ELAVL3: variants seen among roughly 807,000 people sequenced by gnomAD.
The protein encoded by ELAVL3 is ELAV-like protein 3.
A neutral mutation model predicts 34.2 loss-of-function variants in ELAVL3; 8 were observed. That is an observed-to-expected ratio of 0.23 (90% CI 0.14 to 0.42). The LOEUF (loss-of-function observed/expected upper bound fraction) is 0.42. ELAVL3 is among the 10% of genes least tolerant of loss of function. The pLI is 1.00. For synonymous variants in ELAVL3, 209 were observed against 222.1 expected (o/e 0.94, Z 0.53); for missense variants, 273 against 518.8 (o/e 0.53, Z 4.60).
chr19:11,459,375 C>T (rs1007352806), intron 3 of ELAVL3, among the ~76,000 whole-genome samples: 1 of 151,948 alleles, frequency 6.6e-6, no homozygotes, highest in African/African-American at 2.4e-5. Flanking sequence ...CCTTGTGATC[C>T]GCTCATCTCG....
At position 11,454,888 on chromosome 19, in the gene ELAVL3, GGT is replaced by G. The variant is rs1375039019; in HGVS notation, c.753-13_753-12del. 1 of 1,585,078 alleles carries G rather than the reference GGT, an allele frequency of 6.3e-7. No homozygotes were observed. The highest frequency in any genetic ancestry group is 8.5e-7 in the Non-Finnish European group (1 of 1,170,182). On this transcript the variant is annotated splice_polypyrimidine_tract_variant and intron_variant, in intron 6 of 6. Coordinates refer to ENST00000359227, the MANE Select transcript of ELAVL3 (RefSeq NM_001420.4). This position sits in a 1 kb window ranked among gnomAD's most constrained non-coding sequence, Gnocchi z 9.2. ...ATGAGCGACAGGGGACTACTTTGGG[GGT>G]CACGCGGGCTCTGCCCTGACCCCCC... is the stretch of plus-strand genomic sequence containing the variant.
At chr19:11,463,419 C>A (rs989286712) in intron 3 of ELAVL3, among the ~76,000 whole-genome samples, 1 of 152,176 alleles carries the variant, frequency 6.6e-6, no homozygotes, top group African/African-American at 2.4e-5. Flanking sequence ...GAGGGTGACA[C>A]AGGCCACTGT....
chr19:11,458,466 T>C lies in ELAVL3; in HGVS notation c.479A>G (p.Gln160Arg), dbSNP rs757885370. The C allele has an allele frequency of 6.2e-7, 1 of 1,614,124 alleles. No individual in the cohort carries two copies. Among genetic ancestry groups the C allele is most frequent in the South Asian group, 1.1e-5 (1 of 91,082 alleles). ...RIITSRILVD[Q>R]VTGVSRGVGF... ...CTCCCTGACTGCCTGACCTGTGACC[T>C]GGTCCACCAGGATGCGGGACGTGAT... Residue 160 changes from glutamine to arginine, a missense_variant, in exon 4 of 7, where the codon CAG (glutamine) becomes CGG (arginine). This residue lies in a region of ELAVL3 where 102 missense variants were observed against 250.1 expected (regional missense o/e 0.41). Transcript: ENST00000359227. This position sits in a 1 kb window ranked among gnomAD's most constrained non-coding sequence, Gnocchi z 7.3.
intron 1 of ELAVL3, among the ~76,000 whole-genome samples, chr19:11,477,935 C>T (rs536308218): frequency 6.6e-6 from 1 of 152,218 alleles, no homozygotes; most frequent in East Asian, 1.9e-4. Flanking sequence ...TGTGATCCAC[C>T]CACCTTGGGC....
chr19:11,459,982 T>C (rs1316020619), intron 3 of ELAVL3, among the ~76,000 whole-genome samples: 2 of 152,062 alleles, frequency 1.3e-5, no homozygotes, highest in Non-Finnish European at 2.9e-5. Flanking sequence ...TCTTTAGTCA[T>C]CAGCTCCCAA....
intron 1 of ELAVL3, among the ~76,000 whole-genome samples, chr19:11,467,464 A>G (rs1971077434): frequency 1.4e-5 from 2 of 145,526 alleles, no homozygotes; most frequent in East Asian, 1.9e-4. Context: ...CAGAAAAGTA[A>G]ATCTAACAGT....
At chr19:11,463,663 C>T (rs1381742325) in intron 3 of ELAVL3, among the ~76,000 whole-genome samples, 2 of 152,088 alleles carry the variant, frequency 1.3e-5, no homozygotes, top group Non-Finnish European at 2.9e-5. Flanking sequence ...TCACATGCAC[C>T]TGTCAAATAA....
chr19:11,456,973 A>T, intron 6 of ELAVL3, 137 bp downstream of exon 6: 1 of 769,620 alleles, frequency 1.3e-6, no homozygotes, highest in East Asian at 3.4e-5. Context: ...CTTTGATGTC[A>T]CATCTCTCAA....
At chr19:11,459,192 G>A (rs1013614805) in intron 3 of ELAVL3, among the ~76,000 whole-genome samples, 3 of 140,942 alleles carry the variant, frequency 2.1e-5, no homozygotes, top group African/African-American at 8.0e-5. Context: ...GCGACATCTC[G>A]GCTCATTGCA....
At chr19:11,476,168 T>C (rs1198264006) in intron 1 of ELAVL3, among the ~76,000 whole-genome samples, 1 of 152,170 alleles carries the variant, frequency 6.6e-6, no homozygotes, top group Non-Finnish European at 1.5e-5. Context: ...TTGAGGTGCC[T>C]GTTGTGTGCC....
At chr19:11,467,546 C>CCATGAA (rs1396644352) in intron 1 of ELAVL3, among the ~76,000 whole-genome samples, 1 of 151,686 alleles carries the variant, frequency 6.6e-6, no homozygotes, top group African/African-American at 2.4e-5. Flanking sequence ...TGCAGTGGTG[C>CCATGAA]GATCTCGGCT....
At chr19:11,457,988 G>T in intron 5 of ELAVL3, 73 bp downstream of exon 5, 1 of 1,496,982 alleles carries the variant, frequency 6.7e-7, no homozygotes, top group South Asian at 1.1e-5. Flanking sequence ...CCCTTCGGCA[G>T]GAATGGGGTT....
At chr19:11,470,003 A>G (rs901885491) in intron 1 of ELAVL3, among the ~76,000 whole-genome samples, 2 of 151,342 alleles carry the variant, frequency 1.3e-5, no homozygotes, top group Admixed American at 1.3e-4. Flanking sequence ...GATGCAGTAA[A>G]CCATAATCAC....
At chr19:11,457,219 C>T in intron 5 of ELAVL3, 71 bp from the exon 6 acceptor site, 1 of 1,402,536 alleles carries the variant, frequency 7.1e-7, no homozygotes, top group Non-Finnish European at 9.5e-7. Context: ...CGTCGGCCTG[C>T]CCTCCCCACC....
chr19:11,458,363 A>G lies in ELAVL3; in HGVS notation c.488-77T>C, dbSNP rs537007032. 7 of 1,605,606 alleles carry G rather than the reference A, an allele frequency of 4.4e-6. No individual in the cohort carries two copies. The highest frequency in any genetic ancestry group is 6.0e-6 in the Non-Finnish European group (7 of 1,175,236). On this transcript the variant is annotated intron_variant, in intron 4 of 6. Coordinates refer to ENST00000359227, the MANE Select transcript of ELAVL3 (RefSeq NM_001420.4). The surrounding 1 kb of genome is among the most constrained non-coding windows in gnomAD (Gnocchi z 7.3). ...ACCCCACTTCTCCCTTCCCTGCTTC[A>G]TGCCCTGGCATCTTGGTCGGTTTCC... is the stretch of plus-strand genomic sequence containing the variant.
chr19:11,463,325 G>C (rs1211950981), intron 3 of ELAVL3, among the ~76,000 whole-genome samples: 1 of 152,134 alleles, frequency 6.6e-6, no homozygotes, highest in African/African-American at 2.4e-5. Context: ...GCGCAACACC[G>C]TCACACAGGC....
chr19:11,466,642 G>C lies in ELAVL3; in HGVS notation c.195C>G (p.Ile65Met). ...TGTCCCGAACCAACTTGCAGGACTC[G>C]ATGTCGCCAATGCTGCCGAAGAGAC... ...FKSLFGSIGD[I>M]ESCKLVRDKI... Residue 65 changes from isoleucine (I) to methionine (M), a missense_variant, in exon 2 of 7, where the codon ATC (isoleucine) becomes ATG (methionine). Ile to Met is a conservative substitution (Grantham distance 10, BLOSUM62 1). Coordinates refer to ENST00000359227, the MANE Select transcript of ELAVL3 (RefSeq NM_001420.4). This position sits in a 1 kb window ranked among gnomAD's most constrained non-coding sequence, Gnocchi z 5.0. The C allele has an allele frequency of 1.2e-6, 2 of 1,614,214 alleles. No homozygotes were observed. The highest frequency in any genetic ancestry group is 1.7e-6 in the Non-Finnish European group (2 of 1,180,040).
chr19:11,457,264 C>T lies in ELAVL3; in HGVS notation c.714-116G>A, dbSNP rs578194473. The stretch of plus-strand genomic sequence containing the variant: ...CAGGCCTGCAGCAGAGCCCTGCCCC[C>T]GCCTGCCTGCTCCCCGCCCGCCCGG... On this transcript the variant is annotated intron_variant, in intron 5 of 6. Transcript: ENST00000359227. The T allele has an allele frequency of 3.4e-5, 39 of 1,138,308 alleles. No homozygotes were observed. In the East Asian group the frequency reaches 6.5e-4, roughly 19 times the overall value. The allele number at this position is 1,138,308 out of a possible 1,614,324, so 70.5% of individuals were successfully genotyped here.
intron 6 of ELAVL3, among the ~76,000 whole-genome samples, chr19:11,455,979 C>T (rs1025837651): frequency 6.6e-6 from 1 of 152,240 alleles, no homozygotes; most frequent in South Asian, 2.1e-4. Context: ...AAACTACTCG[C>T]TCCTTCTGGC....
Sources: gnomAD v4.1 joint callset for allele counts (sites outside exome capture counted in the v4.1 genomes callset) on GRCh38, gnomAD v4.1.1 for gene constraint, gnomAD v4.1.1 regional missense constraint, Gnocchi (gnomAD v3.1) non-coding constraint, MANE v1.5 for transcripts, NCBI Gene and HGNC (gene_info 2026-07-23, HGNC 2026-07-21) for gene names.